The following SORBS2 variants were observed in gnomAD, a reference collection of about 807,000 sequenced individuals.
SORBS2 encodes the protein sorbin and SH3 domain containing 2.
In SORBS2, 46 loss-of-function variants were observed where a neutral mutation model predicts 97.7. That is an observed-to-expected ratio of 0.47 (90% CI 0.37 to 0.60). The LOEUF is 0.60. Ranked by LOEUF, SORBS2 falls within the 20% of genes least tolerant of loss-of-function variation. The pLI is 0.00. For synonymous variants in SORBS2, 476 were observed against 473.4 expected (o/e 1.01, Z -0.07); for missense variants, 1,316 against 1,282.3 (o/e 1.03, Z -0.40).
chr4:185,769,601 C>T (rs2098957577), intron 2 of SORBS2, among the ~76,000 whole-genome samples: 1 of 152,184 alleles, frequency 6.6e-6, no homozygotes, highest in African/African-American at 2.4e-5. Flanking sequence ...AGCAATTCTC[C>T]TGCCTCAGCC....
chr4:185,918,978 A>G (rs551732994), intron 1 of SORBS2, among the ~76,000 whole-genome samples: 5 of 152,318 alleles, frequency 3.3e-5, no homozygotes, highest in African/African-American at 9.6e-5. Context: ...TCTTCACAAA[A>G]CCAAAGCATA....
At chr4:185,796,018 C>A (rs1020440929) in intron 1 of SORBS2, among the ~76,000 whole-genome samples, 2 of 152,190 alleles carry the variant, frequency 1.3e-5, no homozygotes, top group African/African-American at 4.8e-5. Flanking sequence ...CTGAGCCATT[C>A]ATCTTTTCTT....
chr4:185,623,089 T>G lies in SORBS2; in HGVS notation c.2040A>C (p.Arg680Ser). 1 of 1,614,044 alleles carries G rather than the reference T, an allele frequency of 6.2e-7. No individual in the cohort carries two copies. Among genetic ancestry groups the G allele is most frequent in the Non-Finnish European group, 8.5e-7 (1 of 1,179,988 alleles). The change falls in exon 7 of 15, where the codon AGA (arginine) becomes AGC (serine). Residue 680 changes from arginine (R) to serine (S), a missense_variant. Transcript: ENST00000418609. The surrounding 1 kb of genome is among the most constrained non-coding windows in gnomAD (Gnocchi z 6.4). ...GGTGCAGGGGGCTCCTCCTCAGCGC[T>G]CTCAGGGATGAGTTCCTCTCGGGAA...
chr4:185,658,995 C>T (rs970927785), upstream of SORBS2, among the ~76,000 whole-genome samples: 37 of 152,060 alleles, frequency 2.4e-4, no homozygotes, highest in African/African-American at 8.2e-4. Flanking sequence ...CGTGAGCCAC[C>T]GTGGCCGGCC....
At chr4:185,728,763 C>T (rs2098586383) in intron 2 of SORBS2, among the ~76,000 whole-genome samples, 2 of 152,184 alleles carry the variant, frequency 1.3e-5, no homozygotes, top group African/African-American at 2.4e-5. Flanking sequence ...CATTAAATCG[C>T]CCATTTAGTG....
At chr4:185,942,089 T>G (rs1028654793) in intron 1 of SORBS2, among the ~76,000 whole-genome samples, 5 of 152,018 alleles carry the variant, frequency 3.3e-5, no homozygotes, top group Non-Finnish European at 7.4e-5. Flanking sequence ...GCACTCCAGC[T>G]GGGGTGACAG....
At chr4:185,642,937 A>G (rs185335331) in intron 4 of SORBS2, among the ~76,000 whole-genome samples, 222 of 152,380 alleles carry the variant, frequency 1.5e-3, no homozygotes, top group African/African-American at 5.2e-3. Flanking sequence ...ACAAGGATTC[A>G]GTCCCTCACC....
At chr4:185,881,282 A>G (rs958109996) in intron 1 of SORBS2, among the ~76,000 whole-genome samples, 1 of 152,186 alleles carries the variant, frequency 6.6e-6, no homozygotes, top group Non-Finnish European at 1.5e-5. Context: ...GATTAAAGAA[A>G]TGGAAGCTAG....
intron 1 of SORBS2, among the ~76,000 whole-genome samples, chr4:185,779,683 A>AT (rs1560979668): frequency 6.6e-6 from 1 of 152,236 alleles, no homozygotes. Context: ...TCTAGAGAAC[A>AT]TTCTTTACCC....
At chr4:185,588,622 C>CCCTCCTCCTCCTCCCT (rs1561253138) in intron 14 of SORBS2, among the ~76,000 whole-genome samples, 2 of 64,904 alleles carry the variant, frequency 3.1e-5, no homozygotes, top group African/African-American at 6.9e-5. Context: ...TCCTCCTCCT[C>CCCTCCTCCTCCTCCCT]CTTGTTTTTG....
chr4:185,908,204 G>T (rs2099252213), intron 1 of SORBS2, among the ~76,000 whole-genome samples: 1 of 142,874 alleles, frequency 7.0e-6, no homozygotes, highest in African/African-American at 2.7e-5. Flanking sequence ...TTAATAAAAA[G>T]AAAACCTGTT....
chr4:185,847,898 G>A (rs1413008723), intron 1 of SORBS2, among the ~76,000 whole-genome samples: 1 of 152,118 alleles, frequency 6.6e-6, no homozygotes, highest in Non-Finnish European at 1.5e-5. Flanking sequence ...CAAACAGCAT[G>A]TCTCAGATTA....
intron 2 of SORBS2, among the ~76,000 whole-genome samples, chr4:185,712,495 AT>A (rs1441527460): frequency 6.6e-6 from 1 of 152,274 alleles, no homozygotes; most frequent in African/African-American, 2.4e-5. Context: ...CAGTGCAAAT[AT>A]AAAAGGCTGT....
At chr4:185,740,764 C>T (rs2098718614) in intron 2 of SORBS2, among the ~76,000 whole-genome samples, 1 of 149,774 alleles carries the variant, frequency 6.7e-6, no homozygotes, top group Non-Finnish European at 1.5e-5. Flanking sequence ...CAGCCCAACG[C>T]TAACTCAGCC....
chr4:185,740,994 C>T (rs1316674967), intron 2 of SORBS2, among the ~76,000 whole-genome samples: 4 of 152,062 alleles, frequency 2.6e-5, no homozygotes, highest in South Asian at 4.2e-4. Flanking sequence ...AGCACTAACT[C>T]GGACCAGCAC....
chr4:185,797,501 A>G (rs1445393310), intron 1 of SORBS2, among the ~76,000 whole-genome samples: 8 of 152,124 alleles, frequency 5.3e-5, no homozygotes, highest in Admixed American at 2.6e-4. Context: ...ACTACTTAAC[A>G]TGATGATGAT....
At chr4:185,624,447 G>A (rs766553554) in exon 7 of SORBS2, 2 of 1,613,516 alleles carry the variant, frequency 1.2e-6, no homozygotes, top group Non-Finnish European at 1.7e-6. Context: ...TTGCCGTTGA[G>A]CCCTGAGTAA....
chr4:185,895,977 A>G (rs984162118), intron 1 of SORBS2, among the ~76,000 whole-genome samples: 5 of 152,330 alleles, frequency 3.3e-5, no homozygotes, highest in Non-Finnish European at 7.4e-5. Flanking sequence ...AAGGGAGTGT[A>G]TGAGAGTGAT....
Position 185,913,194 on chromosome 4 carries a change from TG to T in SORBS2, c.-338+43001del, listed in dbSNP as rs2099256282. Reference sequence around the variant, plus strand: ...AAGCAACCAAATATAATAATGTTCCTGGGACCCACTGCATGGTTATGTCCTG... The same window carrying T: ...AAGCAACCAAATATAATAATGTTCCTGGACCCACTGCATGGTTATGTCCTG... On this transcript the variant is annotated intron_variant, in intron 1 of 20. Coordinates refer to the SORBS2 transcript ENST00000284776. Among the ~76,000 whole-genome samples, 3 of 152,362 alleles carry T rather than the reference TG, an allele frequency of 2.0e-5. No homozygotes were observed. The South Asian group carries it at 6.2e-4, about 32-fold the overall frequency.
Sources: allele counts gnomAD v4.1 joint callset (sites outside exome capture counted in the v4.1 genomes callset), GRCh38; gene constraint gnomAD v4.1.1; non-coding constraint Gnocchi (gnomAD v3.1); transcripts MANE v1.5; gene names NCBI Gene and HGNC (gene_info 2026-07-23, HGNC 2026-07-21).